The following NALCN variants were observed in gnomAD, a reference collection of about 807,000 sequenced individuals.
NALCN encodes sodium leak channel NALCN.
A neutral mutation model predicts 225.3 loss-of-function variants in NALCN; 111 were observed. The ratio of observed to expected loss-of-function variants is 0.49; its 90% CI spans 0.42 to 0.58. The LOEUF is 0.58. NALCN is among the 20% of genes least tolerant of loss of function. The probability of loss-of-function intolerance (pLI) is 0.00; values close to 1 mark genes in which losing one functional copy is unlikely to be tolerated. For missense variants in NALCN, 1,378 were observed against 2,202.4 expected (o/e 0.63, Z 7.49); for synonymous variants, 764 against 769.0 (o/e 0.99, Z 0.11).
Position 101,262,848 on chromosome 13 carries a change from C to T in NALCN, c.1135-4274G>A, listed in dbSNP as rs137936077. On this transcript the variant is annotated intron_variant, in intron 10 of 43. Transcript: ENST00000251127. Reference sequence around the variant, plus strand: ...GGAGTTACTTAAACCTCTGTTTTCTCATTGATAAAGTGGAGAAAATAGTAC... The same window carrying T: ...GGAGTTACTTAAACCTCTGTTTTCTTATTGATAAAGTGGAGAAAATAGTAC... Among the ~76,000 whole-genome samples, 736 of 152,210 alleles carry T rather than the reference C, an allele frequency of 4.8e-3. 6 individuals are homozygous for T. Among genetic ancestry groups the T allele is most frequent in the African/African-American group, 0.016 (652 of 41,528 alleles).
At chr13:101,213,108 A>G (rs1320033296) in intron 13 of NALCN, among the ~76,000 whole-genome samples, 2 of 152,186 alleles carry the variant, frequency 1.3e-5, no homozygotes, top group African/African-American at 4.8e-5. Flanking sequence ...GATATAGACC[A>G]ATGGAATAGA....
chr13:101,223,002 C>T (rs1018449291), intron 13 of NALCN, among the ~76,000 whole-genome samples: 2 of 152,102 alleles, frequency 1.3e-5, no homozygotes, highest in African/African-American at 4.8e-5. Context: ...CTTCATACAA[C>T]ATATCCCCTT....
In NALCN at chr13:101,055,114, A is replaced by G. The variant is rs1283812302; in HGVS notation, c.*181T>C. ...CAAAAATTTTTTTGAGCAATGATTG[A>G]TAGTAACCCATCATACATGCAGCTT... On this transcript the variant is annotated 3_prime_UTR_variant, in exon 44 of 44. Transcript: ENST00000251127. The G allele has an allele frequency of 6.8e-5, 40 of 592,138 alleles. No individual in the cohort carries two copies. In the Admixed American group the frequency reaches 1.3e-3, roughly 20 times the overall value. 36.7% of individuals were successfully genotyped at this position (592,138 alleles called of 1,614,324 possible).
At chr13:101,099,237 C>T (rs149727034) in intron 27 of NALCN, among the ~76,000 whole-genome samples, 16 of 152,052 alleles carry the variant, frequency 1.1e-4, no homozygotes, top group African/African-American at 1.4e-4. Flanking sequence ...TAATTTGATA[C>T]GGCATGACCG....
intron 14 of NALCN, among the ~76,000 whole-genome samples, chr13:101,190,669 T>A (rs996128465): frequency 6.6e-6 from 1 of 152,244 alleles, no homozygotes; most frequent in Non-Finnish European, 1.5e-5. Flanking sequence ...GGTGGACATG[T>A]CTTAGTTTTG....
chr13:101,057,876 CACAA>C (rs1258305268), intron 43 of NALCN, 59 bp downstream of exon 43: 137 of 1,328,946 alleles, frequency 1.0e-4, no homozygotes, highest in Non-Finnish European at 1.2e-4. Context: ...ACCCAAAACA[CACAA>C]ACAGAGTAAA....
Position 101,377,307 on chromosome 13 carries a change from T to A in NALCN, c.376-251A>T, listed in dbSNP as rs12427747. On this transcript the variant is annotated intron_variant, in intron 4 of 43. Transcript: ENST00000251127. ...TTTCCTGTCTCGTTCGTTAAGACAG[T>A]TTTTAGTTACAAGAAGTGCCAACTT... Among the ~76,000 whole-genome samples, 32,675 of 152,140 alleles carry A rather than the reference T, an allele frequency of 0.21. 3,653 individuals carry two copies. Among genetic ancestry groups the A allele is most frequent in the Non-Finnish European group, 0.24 (16,240 of 67,976 alleles).
intron 7 of NALCN, 131 bp downstream of exon 7, chr13:101,345,135 T>TA: frequency 3.1e-6 from 3 of 967,956 alleles, no homozygotes; most frequent in Non-Finnish European, 4.4e-6. Context: ...GGCATAGAAT[T>TA]AAAATTTATA....
chr13:101,092,016 A>G (rs977267723), intron 28 of NALCN, among the ~76,000 whole-genome samples: 12 of 152,210 alleles, frequency 7.9e-5, no homozygotes, highest in African/African-American at 2.9e-4. Flanking sequence ...AAAGTTGCAA[A>G]GTTTGAAACT....
Position 101,067,989 on chromosome 13 carries a change from C to T in NALCN, c.4375G>A (p.Asp1459Asn), listed in dbSNP as rs1482316624. 1.2e-6 allele frequency: 2 copies of T among 1,612,712 alleles called. No individual in the cohort carries two copies. Among genetic ancestry groups the T allele is most frequent in the Admixed American group, 1.7e-5 (1 of 59,718 alleles). The change falls in exon 39 of 44, where the codon GAC (aspartate) becomes AAC (asparagine). Residue 1459 changes from aspartate (D) to asparagine (N), a missense_variant. Physicochemically the swap from Asp to Asn is conservative, Grantham distance 23. Around this residue, in one of 19 missense-constraint regions of NALCN, gnomAD observed 16 missense variants for 66.7 expected, o/e 0.24. Coordinates refer to ENST00000251127, the MANE Select transcript of NALCN (RefSeq NM_052867.4). ...NFSLFYSTEE[D>N]QLLSYNDLRH... Reference sequence around the variant, plus strand: ...AGATCATTGTAACTTAAAAGCTGGTCCTCCTCAGTGGAATAAAACAAGGAG... The same window carrying T: ...AGATCATTGTAACTTAAAAGCTGGTTCTCCTCAGTGGAATAAAACAAGGAG...
intron 7 of NALCN, among the ~76,000 whole-genome samples, chr13:101,308,935 T>C (rs1357389179): frequency 1.3e-5 from 2 of 152,112 alleles, no homozygotes; most frequent in Admixed American, 1.3e-4. Context: ...ACTCCACCCA[T>C]AGATCTAAAA....
intron 39 of NALCN, among the ~76,000 whole-genome samples, chr13:101,066,109 T>C (rs576874971): frequency 2.2e-4 from 33 of 152,214 alleles, no homozygotes; most frequent in Middle Eastern, 6.8e-3. Context: ...GTGGATCACC[T>C]GAGGTCAGGA....
At chr13:101,066,576 G>C (rs559255667) in intron 39 of NALCN, among the ~76,000 whole-genome samples, 20 of 120,588 alleles carry the variant, frequency 1.7e-4, no homozygotes, top group African/African-American at 6.6e-4. Context: ...CAGGGCAGTG[G>C]GTCTTCATGT....
At chr13:101,169,971 C>G (rs931628933) in intron 15 of NALCN, among the ~76,000 whole-genome samples, 1 of 152,134 alleles carries the variant, frequency 6.6e-6, no homozygotes, top group Non-Finnish European at 1.5e-5. Flanking sequence ...CAACTAACAT[C>G]AGGAGATGCA....
Position 101,112,622 on chromosome 13 carries a change from G to T in NALCN, c.2193-1396C>A, listed in dbSNP as rs577154867. Among the ~76,000 whole-genome samples the T allele has an allele frequency of 2.0e-5, 3 of 152,326 alleles. No homozygotes were observed. In the South Asian group the frequency reaches 6.2e-4, roughly 32 times the overall value. On this transcript the variant is annotated intron_variant, in intron 18 of 43. Coordinates refer to ENST00000251127, the MANE Select transcript of NALCN (RefSeq NM_052867.4). ...AGAGAAAGCCTTGCTCTGAAAGATA[G>T]CTCACAGGTTGAAAATGCAATGATT...
At chr13:101,155,960 G>A (rs2037880237) in intron 15 of NALCN, among the ~76,000 whole-genome samples, 2 of 151,908 alleles carry the variant, frequency 1.3e-5, no homozygotes, top group Non-Finnish European at 2.9e-5. Context: ...TTTCTTACTT[G>A]GAATTATTCT....
In NALCN at chr13:101,059,712, T is replaced by C. The variant is rs149076487; in HGVS notation, c.4905+106A>G. 8.2e-4 allele frequency: 791 copies of C among 961,408 alleles called. 1 individual carries two copies. The African/African-American group carries it at 0.012, about 14-fold the overall frequency. The allele number at this position is 961,408 out of a possible 1,614,324, so 59.6% of individuals were successfully genotyped here. ...AATGAAAATATTCCTATTAGAAATATTGTCACCTTGTTTGAATGATCTGAC... is the reference window on the plus strand; with the variant it reads ...AATGAAAATATTCCTATTAGAAATACTGTCACCTTGTTTGAATGATCTGAC... On this transcript the variant is annotated intron_variant, in intron 42 of 43. Transcript: ENST00000251127.
intron 7 of NALCN, among the ~76,000 whole-genome samples, chr13:101,316,981 G>C (rs1044659791): frequency 6.6e-6 from 1 of 152,054 alleles, no homozygotes; most frequent in African/African-American, 2.4e-5. Flanking sequence ...TAATTACCTT[G>C]TATACTTAAC....
chr13:101,099,628 T>C (rs886756799), intron 27 of NALCN, among the ~76,000 whole-genome samples: 1 of 152,192 alleles, frequency 6.6e-6, no homozygotes, highest in Non-Finnish European at 1.5e-5. Context: ...GGACACTTTA[T>C]GATATTACAA....
Sources: allele counts gnomAD v4.1 joint callset (sites outside exome capture counted in the v4.1 genomes callset), GRCh38; gene constraint gnomAD v4.1.1; regional missense constraint gnomAD v4.1.1; transcripts MANE v1.5; gene names NCBI Gene and HGNC (gene_info 2026-07-23, HGNC 2026-07-21).